DOCK5: variants seen among roughly 807,000 people sequenced by gnomAD.
DOCK5 encodes the protein dedicator of cytokinesis protein 5.
DOCK5 carries 142 observed loss-of-function variants against 251.8 expected under a neutral mutation model. The observed-to-expected ratio is 0.56, with a 90% CI of 0.49 to 0.65. DOCK5 has a LOEUF of 0.65. Ranked by LOEUF, DOCK5 falls within the 30% of genes least tolerant of loss-of-function variation. DOCK5 has a pLI of 0.00. For missense variants in DOCK5, 2,111 were observed against 2,312.3 expected (o/e 0.91, Z 1.79); for synonymous variants, 842 against 835.5 (o/e 1.01, Z -0.13).
intron 21 of DOCK5, among the ~76,000 whole-genome samples, chr8:25,335,224 C>T (rs1224620855): frequency 6.6e-6 from 1 of 152,158 alleles, no homozygotes; most frequent in Non-Finnish European, 1.5e-5. Flanking sequence ...GACTTGTCAG[C>T]AAGAACACCA....
chr8:25,364,973 C>T (rs1034505751), intron 30 of DOCK5, among the ~76,000 whole-genome samples: 1 of 152,124 alleles, frequency 6.6e-6, no homozygotes, highest in Non-Finnish European at 1.5e-5. Flanking sequence ...AATAGTCCTC[C>T]TTGTCGCTAT....
intron 3 of DOCK5, among the ~76,000 whole-genome samples, chr8:25,269,648 A>G (rs1288940621): frequency 6.6e-6 from 1 of 152,116 alleles, no homozygotes; most frequent in Admixed American, 6.5e-5. Context: ...AATTATGTTA[A>G]TACCTCCCTC....
intron 38 of DOCK5, among the ~76,000 whole-genome samples, chr8:25,379,849 T>TAC (rs10569921): frequency 0.79 from 116,069 of 146,696 alleles, 45,963 homozygotes; most frequent in Admixed American, 0.84. Flanking sequence ...TCACTACACC[T>TAC]ACACACACAC....
chr8:25,323,980 A>T, intron 17 of DOCK5, 29 bp downstream of exon 17: 1 of 1,570,068 alleles, frequency 6.4e-7, no homozygotes, highest in Non-Finnish European at 8.6e-7. Flanking sequence ...GGCTGAGAAA[A>T]ATACTCCCTT....
intron 1 of DOCK5, among the ~76,000 whole-genome samples, chr8:25,217,247 T>A (rs1379661066): frequency 6.6e-6 from 1 of 150,924 alleles, no homozygotes; most frequent in African/African-American, 2.4e-5. Flanking sequence ...GTATACAATA[T>A]GTATATATGT....
At chr8:25,239,738 A>T (rs1028709226) in intron 1 of DOCK5, among the ~76,000 whole-genome samples, 2 of 152,160 alleles carry the variant, frequency 1.3e-5, no homozygotes, top group Non-Finnish European at 2.9e-5. Context: ...AATTACTCCT[A>T]CTTCTGAATC....
At chr8:25,312,401 T>C (rs1463190330) in intron 13 of DOCK5, among the ~76,000 whole-genome samples, 1 of 152,148 alleles carries the variant, frequency 6.6e-6, no homozygotes, top group Admixed American at 6.5e-5. Flanking sequence ...AACATTTAGT[T>C]TTGTTTTGTT....
rs1015725466 is a variant in DOCK5 at position 25,198,341 on chromosome 8, C to T, written c.43+13390C>T. On this transcript the variant is annotated intron_variant, in intron 1 of 51. Coordinates refer to ENST00000276440, the MANE Select transcript of DOCK5 (RefSeq NM_024940.8). ...ATCCCAGCACTGTGGGAAGCTGAGG[C>T]GGGTAGATCACCCGAGATCAGGAGT... is the stretch of plus-strand genomic sequence containing the variant. 1.1e-4 allele frequency among the ~76,000 whole-genome samples: 16 copies of T among 152,084 alleles called. No individual in the cohort carries two copies. In the South Asian group the frequency reaches 1.2e-3, roughly 12 times the overall value.
At chr8:25,284,509 C>T (rs1271054251) in intron 5 of DOCK5, among the ~76,000 whole-genome samples, 1 of 152,188 alleles carries the variant, frequency 6.6e-6, no homozygotes, top group African/African-American at 2.4e-5. Flanking sequence ...TCCCTCCAGC[C>T]CCGTAGTAAC....
intron 12 of DOCK5, among the ~76,000 whole-genome samples, chr8:25,309,535 T>C (rs1805035826): frequency 2.6e-5 from 4 of 152,186 alleles, no homozygotes; most frequent in Admixed American, 2.6e-4. Flanking sequence ...ATAATAATTA[T>C]GCTCTATTCT....
chr8:25,184,915 C>A lies in DOCK5; in HGVS notation c.7C>A (p.Arg3Ser). The A allele has an allele frequency of 7.0e-7, 1 of 1,435,982 alleles. No individual in the cohort carries two copies. Among genetic ancestry groups the A allele is most frequent in the Non-Finnish European group, 9.2e-7 (1 of 1,084,890 alleles). The allele number at this position is 1,435,982 out of a possible 1,614,324, so 89.0% of individuals were successfully genotyped here. A position where few individuals can be genotyped will look rare whatever the true frequency, so the allele number is the denominator to read the frequency against. Residue 3 changes from arginine (R) to serine (S), a missense_variant, in exon 1 of 52, where the codon CGC (arginine) becomes AGC (serine). By Grantham distance (110) the Arg-to-Ser change is moderately radical. Around this residue, in one of 3 missense-constraint regions of DOCK5, gnomAD observed 335 missense variants for 324.9 expected, o/e 1.03. Transcript: ENST00000276440. MA[R>S]WIPTKRQKYG... The stretch of plus-strand genomic sequence containing the variant: ...GCGGGGCGAGGTCGCCGCCATGGCC[C>A]GCTGGATCCCGACCAAGAGGCAGAA...
rs760789471 is a variant in DOCK5, at chr8:25,399,976, G to A, written c.4770G>A (p.Lys1590=). 1.2e-6 allele frequency: 2 copies of A among 1,613,662 alleles called. No homozygotes were observed. Among genetic ancestry groups the A allele is most frequent in the Non-Finnish European group, 1.7e-6 (2 of 1,179,762 alleles). The change falls in exon 46 of 52, where the codon AAG becomes AAA. Residue 1590 remains lysine, a synonymous_variant. Coordinates refer to ENST00000276440, the MANE Select transcript of DOCK5 (RefSeq NM_024940.8). The part of the protein sequence containing the change: ...PEDQEKVELL[K]RLIALQMPLL... ...ACCAGGAGAAGGTTGAGCTGCTAAA[G>A]CGACTAATAGCATTACAGGTACAGG...
rs1022530937 is a variant in DOCK5, at chr8:25,410,702, T to TC, written c.5509-485dup. 2.3e-3 allele frequency among the ~76,000 whole-genome samples: 305 copies of TC among 134,924 alleles called. 2 individuals carry two copies. The highest frequency in any genetic ancestry group is 6.9e-3 in the Admixed American group (90 of 13,046). The allele number at this position is 134,924 out of a possible 152,430, so 88.5% of individuals were successfully genotyped here. A position where few individuals can be genotyped will look rare whatever the true frequency, so the allele number is the denominator to read the frequency against. On this transcript the variant is annotated intron_variant, in intron 51 of 51. Coordinates refer to ENST00000276440, the MANE Select transcript of DOCK5 (RefSeq NM_024940.8). ...ATCTCAAACTCCTGGCCTCAAGTGATCCCCCCCACCCACCTCAGCCTTCCA... is the reference window on the plus strand; with the variant it reads ...ATCTCAAACTCCTGGCCTCAAGTGATCCCCCCCCACCCACCTCAGCCTTCCA...
chr8:25,309,797 G>T (rs1805041414), intron 12 of DOCK5, among the ~76,000 whole-genome samples: 1 of 151,868 alleles, frequency 6.6e-6, no homozygotes, highest in African/African-American at 2.4e-5. Context: ...TTCCAGTCTG[G>T]GCAACAAAGT....
At chr8:25,308,106 G>A (rs78006346) in intron 11 of DOCK5, among the ~76,000 whole-genome samples, 2,637 of 152,230 alleles carry the variant, frequency 0.017, 33 homozygotes, top group Middle Eastern at 0.027. Context: ...GCACCAGGCC[G>A]ATGTGCAGTT....
intron 40 of DOCK5, among the ~76,000 whole-genome samples, chr8:25,388,390 A>G (rs1473398792): frequency 1.3e-5 from 2 of 152,174 alleles, no homozygotes; most frequent in Non-Finnish European, 2.9e-5. Flanking sequence ...TGCCCAGGCA[A>G]CCACACCTGT....
At chr8:25,290,576 G>C (rs1056357107) in intron 5 of DOCK5, among the ~76,000 whole-genome samples, 5 of 152,126 alleles carry the variant, frequency 3.3e-5, no homozygotes, top group African/African-American at 9.7e-5. Context: ...TCTAACAATT[G>C]GGGAAATGGG....
At chr8:25,260,920 C>CT (rs1803560796) in intron 2 of DOCK5, among the ~76,000 whole-genome samples, 1 of 151,928 alleles carries the variant, frequency 6.6e-6, no homozygotes, top group African/African-American at 2.4e-5. Context: ...CTTGGCTTCC[C>CT]TAGTAGCTAG....
Position 25,296,542 on chromosome 8 carries a change from A to T in DOCK5, c.500A>T (p.Asp167Val). 1 of 1,611,410 alleles carries T rather than the reference A, an allele frequency of 6.2e-7. No homozygotes were observed. Among genetic ancestry groups the T allele is most frequent in the African/African-American group, 1.3e-5 (1 of 74,954 alleles). Residue 167 changes from aspartate to valine, a missense_variant, in exon 7 of 52, where the codon GAT becomes GTT. Asp to Val is a radical substitution (Grantham distance 152). Around this residue, in one of 3 missense-constraint regions of DOCK5, gnomAD observed 335 missense variants for 324.9 expected, o/e 1.03. Transcript: ENST00000276440. ...RMLGLDLVVR[D>V]DNGNILDPDE... ...CTGGGGTTAGATCTGGTGGTGCGAG[A>T]TGACAATGGGAACATCCTAGACCCT...
Sources: gnomAD v4.1 joint callset for allele counts (sites outside exome capture counted in the v4.1 genomes callset) on GRCh38, gnomAD v4.1.1 for gene constraint, gnomAD v4.1.1 regional missense constraint, MANE v1.5 for transcripts, NCBI Gene and HGNC (gene_info 2026-07-23, HGNC 2026-07-21) for gene names.